Variants in NIPBL observed in about 807,000 individuals in gnomAD.
NIPBL encodes nipped-B-like protein.
In NIPBL, 19 loss-of-function variants were observed where a neutral mutation model predicts 321.8. That is an observed-to-expected ratio of 0.06 (90% CI 0.04 to 0.09). The LOEUF is 0.09. Among genes scored for constraint, NIPBL ranks in the 10% least tolerant of loss-of-function variants. NIPBL has a pLI of 1.00. For synonymous variants in NIPBL, 1,106 were observed against 1,114.1 expected, an observed-to-expected ratio of 0.99 and a Z score of 0.14; for missense variants, 2,210 against 3,327.0, an observed-to-expected ratio of 0.66 and a Z score of 8.26.
At chr5:36,882,411 A>G (rs1745577029) in intron 1 of NIPBL, among the ~76,000 whole-genome samples, 3 of 151,934 alleles carry the variant, frequency 2.0e-5, no homozygotes, top group Non-Finnish European at 1.5e-5. Flanking sequence ...AATTGAAGTT[A>G]GTTGTATGAG....
At chr5:36,964,835 A>G (rs1372745782) in intron 6 of NIPBL, among the ~76,000 whole-genome samples, 1 of 152,270 alleles carries the variant, frequency 6.6e-6, no homozygotes, top group Admixed American at 6.5e-5. Context: ...CTCAATAGCA[A>G]AACAATAACA....
intron 32 of NIPBL, among the ~76,000 whole-genome samples, chr5:37,034,584 G>A (rs1291930428): frequency 1.3e-5 from 2 of 152,098 alleles, no homozygotes; most frequent in Non-Finnish European, 2.9e-5. Context: ...AGATCATAGT[G>A]GCATAATGAT....
chr5:36,978,476 T>A (rs1163599140), intron 9 of NIPBL, among the ~76,000 whole-genome samples: 1 of 152,064 alleles, frequency 6.6e-6, no homozygotes, highest in Non-Finnish European at 1.5e-5. Flanking sequence ...TCTTTATAGA[T>A]TCTCAGTATT....
intron 32 of NIPBL, among the ~76,000 whole-genome samples, chr5:37,034,724 G>C (rs2149715728): frequency 6.6e-6 from 1 of 152,300 alleles, no homozygotes; most frequent in East Asian, 1.9e-4. Flanking sequence ...GTAAATTTCT[G>C]ATAGTGGTTA....
chr5:37,044,048 G>A (rs1752726836), intron 34 of NIPBL, among the ~76,000 whole-genome samples: 1 of 152,112 alleles, frequency 6.6e-6, no homozygotes, highest in Non-Finnish European at 1.5e-5. Context: ...TTTGTATAAT[G>A]CTGTCAATAT....
intron 30 of NIPBL, among the ~76,000 whole-genome samples, chr5:37,024,948 A>C (rs1750087782): frequency 6.6e-6 from 1 of 152,150 alleles, no homozygotes; most frequent in Non-Finnish European, 1.5e-5. Flanking sequence ...ATATTTATTT[A>C]AGACTGGCCA....
chr5:36,946,185 A>G (rs936403284), intron 1 of NIPBL, among the ~76,000 whole-genome samples: 4 of 151,904 alleles, frequency 2.6e-5, no homozygotes, highest in African/African-American at 4.8e-5. Context: ...AAAGCTTTCA[A>G]TCATCTCTCC....
At chr5:36,892,501 C>T (rs903657550) in intron 1 of NIPBL, among the ~76,000 whole-genome samples, 7 of 152,130 alleles carry the variant, frequency 4.6e-5, no homozygotes, top group Non-Finnish European at 7.4e-5. Flanking sequence ...ATGTTTATTG[C>T]GGCACTATTC....
At chr5:37,063,501 G>C (rs960609083) in intron 45 of NIPBL, among the ~76,000 whole-genome samples, 4 of 152,142 alleles carry the variant, frequency 2.6e-5, no homozygotes, top group African/African-American at 9.7e-5. Flanking sequence ...GCCTGTTTTT[G>C]CAAACAAAGT....
Position 37,051,988 on chromosome 5 carries a change from TCTTA to T in NIPBL, c.7062+107_7062+110del, listed in dbSNP as rs1378859757. 3.1e-5 allele frequency: 26 copies of T among 847,822 alleles called. No homozygotes were observed. In the African/African-American group the frequency reaches 3.9e-4, roughly 13 times the overall value. The allele number at this position is 847,822 out of a possible 1,614,324, so 52.5% of individuals were successfully genotyped here. On this transcript the variant is annotated intron_variant, in intron 41 of 46. Coordinates refer to ENST00000282516, the MANE Select transcript of NIPBL (RefSeq NM_133433.4). ...CCACATTCATAATTGGAATAAAATG[TCTTA>T]CTTAGTACCTATCTTCTAAACATGC... is the stretch of plus-strand genomic sequence containing the variant.
intron 9 of NIPBL, among the ~76,000 whole-genome samples, chr5:36,984,119 T>A (rs1308696486): frequency 6.6e-6 from 1 of 152,100 alleles, no homozygotes; most frequent in Non-Finnish European, 1.5e-5. Flanking sequence ...GACAAATTAT[T>A]AAATTCTTTT....
At chr5:36,971,270 A>AG (rs1207674277) in intron 7 of NIPBL, among the ~76,000 whole-genome samples, 5 of 151,650 alleles carry the variant, frequency 3.3e-5, no homozygotes, top group Non-Finnish European at 7.4e-5. Flanking sequence ...AGTTATTTAA[A>AG]AAAAAAAAAA....
At chr5:36,906,655 TACTTG>T (rs1025451647) in intron 1 of NIPBL, among the ~76,000 whole-genome samples, 18 of 152,350 alleles carry the variant, frequency 1.2e-4, no homozygotes, top group South Asian at 8.3e-4. Context: ...TAAAAGAATT[TACTTG>T]ACTTTGTTGC....
intron 1 of NIPBL, among the ~76,000 whole-genome samples, chr5:36,883,369 T>G (rs1745646428): frequency 6.6e-6 from 1 of 151,796 alleles, no homozygotes; most frequent in Non-Finnish European, 1.5e-5. Context: ...AAAATAATTA[T>G]ATATATACTT....
chr5:37,041,687 C>A (rs1371949623), intron 34 of NIPBL, among the ~76,000 whole-genome samples: 1 of 151,984 alleles, frequency 6.6e-6, no homozygotes, highest in Non-Finnish European at 1.5e-5. Context: ...CTTAGCCACC[C>A]AAGTAGCTGG....
chr5:36,890,378 T>A (rs1368808246), intron 1 of NIPBL, among the ~76,000 whole-genome samples: 1 of 152,212 alleles, frequency 6.6e-6, no homozygotes, highest in African/African-American at 2.4e-5. Flanking sequence ...CAAAACTAAT[T>A]TTATTCTGCT....
chr5:36,920,527 A>G (rs1270278074), intron 1 of NIPBL, among the ~76,000 whole-genome samples: 1 of 152,214 alleles, frequency 6.6e-6, no homozygotes, highest in Non-Finnish European at 1.5e-5. Flanking sequence ...TTTGATAAGA[A>G]AGCACTAATA....
intron 1 of NIPBL, among the ~76,000 whole-genome samples, chr5:36,879,595 G>A (rs1344541310): frequency 5.3e-5 from 8 of 152,200 alleles, no homozygotes; most frequent in Admixed American, 1.3e-4. Flanking sequence ...AGAGTGTTCT[G>A]CTTCCCCTCT....
chr5:36,967,020 T>A (rs1401810703), intron 6 of NIPBL, among the ~76,000 whole-genome samples: 1 of 151,844 alleles, frequency 6.6e-6, no homozygotes, highest in African/African-American at 2.4e-5. Flanking sequence ...TACATAAATA[T>A]AAAACAAATA....
Sources: gnomAD v4.1 joint callset for allele counts (sites outside exome capture counted in the v4.1 genomes callset) on GRCh38, gnomAD v4.1.1 for gene constraint, MANE v1.5 for transcripts, NCBI Gene and HGNC (gene_info 2026-07-23, HGNC 2026-07-21) for gene names.